ALOXE3: variants seen among roughly 807,000 people sequenced by gnomAD.
The protein encoded by ALOXE3 is arachidonate epidermal lipoxygenase 3.
A neutral mutation model predicts 87.5 loss-of-function variants in ALOXE3; 78 were observed. The observed-to-expected ratio is 0.89, with a 90% CI of 0.74 to 1.08. The LOEUF (loss-of-function observed/expected upper bound fraction) is 1.08. Among genes scored for constraint, ALOXE3 ranks in the 50% least tolerant of loss-of-function variants. The pLI is 0.00. For missense variants in ALOXE3, 946 were observed against 912.4 expected (o/e 1.04, Z -0.47); for synonymous variants, 363 against 370.8 (o/e 0.98, Z 0.24).
At chr17:8,116,716 C>A in intron 3 of ALOXE3, 60 bp downstream of exon 3, 1 of 1,574,732 alleles carries the variant, frequency 6.4e-7, no homozygotes, top group Admixed American at 1.7e-5. Context: ...CTGTGAGACC[C>A]CACTCCTAAT....
chr17:8,118,452 T>A (rs1980813674), intron 1 of ALOXE3, 34 bp downstream of exon 1: 5 of 1,550,104 alleles, frequency 3.2e-6, no homozygotes, highest in Non-Finnish European at 4.4e-6. Flanking sequence ...GATCTGTTCC[T>A]CCCCATTCCC....
At chr17:8,107,965 G>GGAAGGAAGGAAAGA in intron 13 of ALOXE3, among the ~76,000 whole-genome samples, 1 of 6,288 alleles carries the variant, frequency 1.6e-4, no homozygotes, top group East Asian at 9.8e-4. Flanking sequence ...AAGAAAGGAA[G>GGAAGGAAGGAAAGA]GAGAGAGAGA....
In ALOXE3 at chr17:8,115,654, G is replaced by T. The variant is rs764537621; in HGVS notation, c.387C>A (p.Leu129=). 1.2e-6 allele frequency: 2 copies of T among 1,613,876 alleles called. No individual in the cohort carries two copies. The highest frequency in any genetic ancestry group is 4.5e-5 in the East Asian group (2 of 44,902). ...GGAGCTCCCGTGTCCTGTGATCCAG[G>T]AGGAGGGGAAGAGAGTCCTGACAAA... ...RTICQDSLPL[L]LDHRTRELRA... Residue 129 remains leucine (L), a synonymous_variant, in exon 4 of 16, where the codon CTC becomes CTA. Coordinates refer to ENST00000448843, the MANE Select transcript of ALOXE3 (RefSeq NM_021628.3).
intron 14 of ALOXE3, 139 bp from the exon 15 acceptor site, chr17:8,103,632 T>C (rs538751261): frequency 1.1e-5 from 11 of 981,648 alleles, no homozygotes; most frequent in Non-Finnish European, 1.6e-5. Context: ...GCAAGAGAGC[T>C]GGGAAATGAG....
chr17:8,116,332 C>T (rs7221268), intron 3 of ALOXE3, among the ~76,000 whole-genome samples: 149,053 of 152,232 alleles, frequency 0.98, 72,998 homozygotes, highest in East Asian at 1. Context: ...TCTCAGGGAC[C>T]TCATCCACAC....
intron 13 of ALOXE3, 108 bp from the exon 14 acceptor site, chr17:8,104,323 A>C (rs1598199278): frequency 6.5e-5 from 53 of 818,316 alleles, no homozygotes; most frequent in South Asian, 5.8e-5. Flanking sequence ...AGTAGGGAAC[A>C]CCGAGCCATG....
intron 15 of ALOXE3, among the ~76,000 whole-genome samples, chr17:8,097,902 C>T (rs8071833): frequency 6.6e-6 from 1 of 151,944 alleles, no homozygotes; most frequent in South Asian, 2.1e-4. Context: ...TGCCTGCCAC[C>T]ATGCCTGGCT....
Position 8,103,323 on chromosome 17 carries a change from C to T in ALOXE3, c.1956G>A (p.Gln652=). 1 of 1,613,788 alleles carries T rather than the reference C, an allele frequency of 6.2e-7. No homozygotes were observed. Among genetic ancestry groups the T allele is most frequent in the Non-Finnish European group, 8.5e-7 (1 of 1,179,826 alleles). ...FWLVSQEPKD[Q]RPLGTYPDEH... ...TCCCCTCAACATCCCGTATACACAC[C>T]TGGTCCTTGGGTTCTTGGCTAACCA... The change falls in exon 15 of 16, where the codon CAG becomes CAA. Residue 652 remains glutamine, a splice_region_variant and synonymous_variant. Coordinates refer to ENST00000448843, the MANE Select transcript of ALOXE3 (RefSeq NM_021628.3).
At chr17:8,113,470 T>C (rs562892816) in intron 6 of ALOXE3, among the ~76,000 whole-genome samples, 5 of 151,986 alleles carry the variant, frequency 3.3e-5, no homozygotes, top group African/African-American at 1.2e-4. Flanking sequence ...CTGGCCAACA[T>C]GGTGAAACCC....
intron 15 of ALOXE3, among the ~76,000 whole-genome samples, chr17:8,099,545 C>T (rs2151829458): frequency 6.6e-6 from 1 of 151,960 alleles, no homozygotes; most frequent in Admixed American, 6.6e-5. Context: ...CCTGTAATCC[C>T]AGCTACTCAG....
intron 8 of ALOXE3, among the ~76,000 whole-genome samples, chr17:8,110,794 T>C (rs1172535039): frequency 6.6e-6 from 1 of 152,148 alleles, no homozygotes. Flanking sequence ...TACCTAGTCC[T>C]TCCCACTCTC....
Position 8,098,186 on chromosome 17 carries a change from T to C in ALOXE3, c.1957-1380A>G, listed in dbSNP as rs541013186. On this transcript the variant is annotated intron_variant, in intron 15 of 15. Transcript: ENST00000448843. ...TCTGACTTTAATGAATAGACATCTA[T>C]GGTCTCACCATAAATACAGTGTTTT... is the stretch of plus-strand genomic sequence containing the variant. 1.8e-4 allele frequency among the ~76,000 whole-genome samples: 27 copies of C among 152,028 alleles called. 1 individual carries two copies. The South Asian group carries it at 5.4e-3, about 30-fold the overall frequency.
At chr17:8,102,386 G>A (rs986817004) in intron 15 of ALOXE3, among the ~76,000 whole-genome samples, 2 of 152,062 alleles carry the variant, frequency 1.3e-5, no homozygotes, top group South Asian at 4.1e-4. Flanking sequence ...CCAGCTACTC[G>A]GGAGGCTGAG....
chr17:8,102,180 C>A lies in ALOXE3; in HGVS notation c.1956+1143G>T, dbSNP rs558837850. The stretch of plus-strand genomic sequence containing the variant: ...GCACCCTAGCTAAAGCAGATTTAAC[C>A]ATTGGGCCTCAGGCTTAAAAGTCTT... On this transcript the variant is annotated intron_variant, in intron 15 of 15. Coordinates refer to ENST00000448843, the MANE Select transcript of ALOXE3 (RefSeq NM_021628.3). Among the ~76,000 whole-genome samples, 35 of 152,252 alleles carry A rather than the reference C, an allele frequency of 2.3e-4. No individual in the cohort carries two copies. The South Asian group carries it at 7.1e-3, about 31-fold the overall frequency.
chr17:8,104,105 G>T lies in ALOXE3; in HGVS notation c.1785+10C>A. The T allele has an allele frequency of 6.2e-7, 1 of 1,612,166 alleles. No individual in the cohort carries two copies. ...CCTGATGTCCCCAGGCCTGCCCTTT[G>T]TAGCCTCACCTGCCCACTGTTGACA... On this transcript the variant is annotated intron_variant, in intron 14 of 15. Coordinates refer to ENST00000448843, the MANE Select transcript of ALOXE3 (RefSeq NM_021628.3).
rs540479500 is a variant in ALOXE3, at chr17:8,104,920, C to T, written c.1685-705G>A. ...TCACTCATCTCATCCAAGTCCATGG[C>T]TCTAACCACCTCCCACTTGCCAACA... On this transcript the variant is annotated intron_variant, in intron 13 of 15. Coordinates refer to ENST00000448843, the MANE Select transcript of ALOXE3 (RefSeq NM_021628.3). 2.6e-5 allele frequency among the ~76,000 whole-genome samples: 4 copies of T among 152,316 alleles called. No individual in the cohort carries two copies. The East Asian group carries it at 7.7e-4, about 29-fold the overall frequency.
chr17:8,097,352 G>A (rs547426482), intron 15 of ALOXE3, among the ~76,000 whole-genome samples: 1 of 151,988 alleles, frequency 6.6e-6, no homozygotes, highest in East Asian at 1.9e-4. Context: ...CTAAAAGAAC[G>A]AACCACACCT....
intron 15 of ALOXE3, among the ~76,000 whole-genome samples, chr17:8,102,587 A>G (rs4792217): frequency 0.094 from 14,352 of 152,126 alleles, 1,141 homozygotes; most frequent in East Asian, 0.42. Flanking sequence ...TGCTATTTCC[A>G]TTTGTGATCC....
intron 15 of ALOXE3, among the ~76,000 whole-genome samples, chr17:8,100,340 A>G (rs1978846887): frequency 6.6e-6 from 1 of 151,966 alleles, no homozygotes. Flanking sequence ...AGAGAGAGAA[A>G]AACCACACAG....
Sources: gnomAD v4.1 joint callset for allele counts (sites outside exome capture counted in the v4.1 genomes callset) on GRCh38, gnomAD v4.1.1 for gene constraint, MANE v1.5 for transcripts, NCBI Gene and HGNC (gene_info 2026-07-23, HGNC 2026-07-21) for gene names.